The following CADM2 variants were observed in gnomAD, a reference collection of about 807,000 sequenced individuals.
CADM2 encodes cell adhesion molecule 2, also known as immunoglobulin superfamily member 4D.
A neutral mutation model predicts 49.8 loss-of-function variants in CADM2; 12 were observed. The observed-to-expected ratio is 0.24, with a 90% CI of 0.15 to 0.39. The LOEUF is 0.39. CADM2 is among the 10% of genes least tolerant of loss of function. CADM2 has a pLI of 1.00. For synonymous variants in CADM2, 214 were observed against 175.4 expected (o/e 1.22, Z -1.74); for missense variants, 378 against 492.3 (o/e 0.77, Z 2.20).
At chr3:85,893,410 C>A (rs1454047233) in intron 5 of CADM2, among the ~76,000 whole-genome samples, 5 of 152,178 alleles carry the variant, frequency 3.3e-5, no homozygotes, top group Non-Finnish European at 7.3e-5. Context: ...AAAACCTAGG[C>A]AGTACCATTC....
chr3:85,900,092 G>T lies in CADM2; in HGVS notation c.530-12281G>T, dbSNP rs186983964. Among the ~76,000 whole-genome samples, 10 of 152,240 alleles carry T rather than the reference G, an allele frequency of 6.6e-5. No homozygotes were observed. The East Asian group carries it at 1.9e-3, about 29-fold the overall frequency. Reference sequence around the variant, plus strand: ...CGTGTAAAATCTCTCAAGATATTAAGCAGGGACTATTTTAGGGTTCATCTC... The same window carrying T: ...CGTGTAAAATCTCTCAAGATATTAATCAGGGACTATTTTAGGGTTCATCTC... On this transcript the variant is annotated intron_variant, in intron 5 of 9. Transcript: ENST00000383699.
intron 1 of CADM2, among the ~76,000 whole-genome samples, chr3:85,233,178 T>C (rs2042335761): frequency 6.6e-6 from 1 of 152,138 alleles, no homozygotes; most frequent in Non-Finnish European, 1.5e-5. Context: ...TATGGCATTT[T>C]GGAAAAGGCA....
chr3:85,359,664 A>ATT (rs1434535137), intron 1 of CADM2, among the ~76,000 whole-genome samples: 370 of 30,014 alleles, frequency 0.012, 12 homozygotes, highest in Middle Eastern at 0.05. Flanking sequence ...ATATATATAT[A>ATT]TATTTTTTTT....
intron 1 of CADM2, among the ~76,000 whole-genome samples, chr3:85,352,000 A>G (rs1407989982): frequency 6.6e-6 from 1 of 152,242 alleles, no homozygotes. Context: ...TAGTTATTAG[A>G]AATACTGTTT....
At chr3:85,050,425 A>G (rs548472173) in intron 1 of CADM2, among the ~76,000 whole-genome samples, 2 of 152,318 alleles carry the variant, frequency 1.3e-5, no homozygotes, top group East Asian at 3.9e-4. Flanking sequence ...GCTATGGACC[A>G]GAACAAAATG....
chr3:85,035,974 A>G (rs939250848), intron 1 of CADM2, among the ~76,000 whole-genome samples: 1 of 152,238 alleles, frequency 6.6e-6, no homozygotes, highest in African/African-American at 2.4e-5. Context: ...TAGAGAGCAC[A>G]GTGCTAAGCA....
chr3:85,770,591 A>G (rs909186580), intron 2 of CADM2, among the ~76,000 whole-genome samples: 3 of 152,136 alleles, frequency 2.0e-5, no homozygotes, highest in African/African-American at 7.2e-5. Context: ...AGTGCCAAAT[A>G]TCCAAATGCA....
intron 1 of CADM2, among the ~76,000 whole-genome samples, chr3:85,415,312 G>A (rs73845494): frequency 0.012 from 1,771 of 151,766 alleles, 40 homozygotes; most frequent in African/African-American, 0.04. Context: ...TCCCCTACTC[G>A]GGAATTCTGA....
At chr3:85,058,667 A>T (rs1208372521) in intron 1 of CADM2, among the ~76,000 whole-genome samples, 1 of 151,406 alleles carries the variant, frequency 6.6e-6, no homozygotes, top group Non-Finnish European at 1.5e-5. Context: ...TTGGTCTCTA[A>T]CTCCTGACCT....
chr3:85,701,851 G>A (rs2066763705), intron 1 of CADM2, among the ~76,000 whole-genome samples: 1 of 147,254 alleles, frequency 6.8e-6, no homozygotes, highest in Non-Finnish European at 1.5e-5. Context: ...AAATGTGTCT[G>A]TTGTAAAAGA....
At chr3:85,767,895 T>C (rs2069737283) in intron 2 of CADM2, among the ~76,000 whole-genome samples, 1 of 152,176 alleles carries the variant, frequency 6.6e-6, no homozygotes, top group South Asian at 2.1e-4. Context: ...ATTTAGCATC[T>C]TAAACTTACG....
chr3:85,845,827 G>C (rs1483999501), intron 3 of CADM2, among the ~76,000 whole-genome samples: 1 of 152,156 alleles, frequency 6.6e-6, no homozygotes, highest in Non-Finnish European at 1.5e-5. Context: ...TTTTAACATG[G>C]TGTTTAGAAA....
At chr3:85,507,457 G>T (rs998235629) in intron 1 of CADM2, among the ~76,000 whole-genome samples, 1 of 152,046 alleles carries the variant, frequency 6.6e-6, no homozygotes, top group Non-Finnish European at 1.5e-5. Context: ...CCAAAGTGCT[G>T]GAATTACAGG....
At chr3:85,284,254 T>C (rs1039116846) in intron 1 of CADM2, among the ~76,000 whole-genome samples, 21 of 152,158 alleles carry the variant, frequency 1.4e-4, no homozygotes, top group Non-Finnish European at 2.9e-5. Flanking sequence ...CATTCATTCA[T>C]TTATTCACTT....
chr3:85,939,468 A>AACACACAC (rs373804679), intron 7 of CADM2, among the ~76,000 whole-genome samples: 13,113 of 136,948 alleles, frequency 0.096, 774 homozygotes, highest in African/African-American at 0.16. Flanking sequence ...AGTAAACGAA[A>AACACACAC]ACACACACAC....
intron 1 of CADM2, among the ~76,000 whole-genome samples, chr3:85,050,374 T>A (rs2035836282): frequency 6.6e-6 from 1 of 152,038 alleles, no homozygotes. Context: ...TCAAAGTATA[T>A]CAATGAAAAC....
rs535562191 is a variant in CADM2 at position 85,772,012 on chromosome 3, T to C, written c.89-30035T>C. On this transcript the variant is annotated intron_variant, in intron 2 of 9. Coordinates refer to ENST00000383699, the MANE Select transcript of CADM2 (RefSeq NM_001167675.2). ...TATTGTATTTTTTCTTTCTTTCTTT[T>C]TTTTTTTTTTTTTTTTGGTACGTGT... Among the ~76,000 whole-genome samples the C allele has an allele frequency of 6.2e-3, 917 of 147,342 alleles. 9 individuals carry two copies. Among genetic ancestry groups the C allele is most frequent in the African/African-American group, 0.02 (810 of 40,268 alleles).
intron 1 of CADM2, among the ~76,000 whole-genome samples, chr3:85,661,734 T>C (rs2065412872): frequency 6.6e-6 from 1 of 152,064 alleles, no homozygotes; most frequent in Admixed American, 6.6e-5. Flanking sequence ...AAGAGAATTT[T>C]AATGAAGAAA....
intron 1 of CADM2, among the ~76,000 whole-genome samples, chr3:85,298,293 G>A (rs2044015427): frequency 6.6e-6 from 1 of 152,042 alleles, no homozygotes; most frequent in Admixed American, 6.6e-5. Flanking sequence ...AGGAGCAAAG[G>A]ATGGAACCAG....
Sources: gnomAD v4.1 joint callset for allele counts (sites outside exome capture counted in the v4.1 genomes callset) on GRCh38, gnomAD v4.1.1 for gene constraint, MANE v1.5 for transcripts, NCBI Gene and HGNC (gene_info 2026-07-23, HGNC 2026-07-21) for gene names.